CRYBG3: variants seen among roughly 807,000 people sequenced by gnomAD.
CRYBG3 encodes crystallin beta-gamma domain containing 3, also known as very large A-kinase anchor protein.
A neutral mutation model predicts 244.2 loss-of-function variants in CRYBG3; 127 were observed. That is an observed-to-expected ratio of 0.52 (90% confidence interval 0.45 to 0.60). CRYBG3 has a LOEUF of 0.60. Among genes scored for constraint, CRYBG3 ranks in the 20% least tolerant of loss-of-function variants. The pLI is 0.00. For synonymous variants in CRYBG3, 1,132 were observed against 1,195.8 expected (o/e 0.95, Z 1.10); for missense variants, 3,325 against 3,442.5 (o/e 0.97, Z 0.85).
chr3:97,848,299 TTTG>T (rs2038931713), intron 2 of CRYBG3, among the ~76,000 whole-genome samples: 2 of 152,090 alleles, frequency 1.3e-5, no homozygotes, highest in South Asian at 2.1e-4. Flanking sequence ...TCTTTGTTTG[TTTG>T]TTGTTGTTTT....
At position 97,944,850 on chromosome 3, in the gene CRYBG3, T is replaced by C. The variant is rs1433908580; in HGVS notation, c.*1536T>C. 1 of 172,486 alleles carries C rather than the reference T, an allele frequency of 5.8e-6. No individual in the cohort carries two copies. Among genetic ancestry groups the C allele is most frequent in the Non-Finnish European group, 1.2e-5 (1 of 81,708 alleles). The allele number at this position is 172,486 out of a possible 1,614,324, so 10.7% of individuals were successfully genotyped here. ...TTTTTCTAGAGCCAAAGAAGCTCTT[T>C]AAAGAAGTTGTTTCTTCCAAAGAAC... On this transcript the variant is annotated 3_prime_UTR_variant, in exon 22 of 22. Coordinates refer to ENST00000389622, the MANE Select transcript of CRYBG3 (RefSeq NM_153605.4).
intron 1 of CRYBG3, among the ~76,000 whole-genome samples, chr3:97,829,210 G>C (rs1400768489): frequency 1.3e-5 from 2 of 152,178 alleles, no homozygotes; most frequent in Non-Finnish European, 2.9e-5. Flanking sequence ...CTTATTCAAA[G>C]GGGAAAAGTT....
chr3:97,922,542 C>G (rs1044851325), intron 17 of CRYBG3, among the ~76,000 whole-genome samples: 11 of 152,288 alleles, frequency 7.2e-5, no homozygotes, highest in African/African-American at 2.6e-4. Context: ...TGAACAGACA[C>G]TTCTCAAAAG....
At chr3:97,937,345 C>T (rs1267690496) in intron 19 of CRYBG3, among the ~76,000 whole-genome samples, 1 of 152,080 alleles carries the variant, frequency 6.6e-6, no homozygotes, top group African/African-American at 2.4e-5. Flanking sequence ...AAGCTTCCCA[C>T]TGCACTTAGA....
chr3:97,889,808 A>T (rs1453666366), intron 10 of CRYBG3, among the ~76,000 whole-genome samples: 1 of 152,144 alleles, frequency 6.6e-6, no homozygotes, highest in African/African-American at 2.4e-5. Flanking sequence ...TATCAGGTAG[A>T]TGGCAGTTTG....
chr3:97,938,767 C>G (rs2040191334), intron 19 of CRYBG3, among the ~76,000 whole-genome samples: 1 of 151,950 alleles, frequency 6.6e-6, no homozygotes, highest in Non-Finnish European at 1.5e-5. Context: ...GCTCATATTA[C>G]TATGGTAATA....
rs2039312509 is a variant in CRYBG3, at chr3:97,872,147, C to T, written c.953C>T (p.Thr318Ile). The change falls in exon 4 of 22, where the codon ACA becomes ATA. Residue 318 changes from threonine (T) to isoleucine (I), a missense_variant. Physicochemically the swap from Thr to Ile is moderately conservative, Grantham distance 89. Coordinates refer to ENST00000389622, the MANE Select transcript of CRYBG3 (RefSeq NM_153605.4). ...KTSFNKENSL[T>I]NNPELQNIAS... ...AGTTTCAACAAGGAAAATTCTTTGA[C>T]AAATAACCCAGAACTGCAGAATATT... is the stretch of plus-strand genomic sequence containing the variant. 1 of 1,535,838 alleles carries T rather than the reference C, an allele frequency of 6.5e-7. No homozygotes were observed. Among genetic ancestry groups the T allele is most frequent in the African/African-American group, 1.4e-5 (1 of 73,026 alleles).
At position 97,875,236 on chromosome 3, in the gene CRYBG3, A is replaced by G; in HGVS notation, c.4042A>G (p.Ser1348Gly). Residue 1348 changes from serine to glycine, a missense_variant, in exon 4 of 22, where the codon AGT becomes GGT. Ser to Gly is a moderately conservative substitution (Grantham distance 56, BLOSUM62 0). Around this residue, in one of 4 missense-constraint regions of CRYBG3, gnomAD observed 635 missense variants for 771.7 expected, o/e 0.82. Coordinates refer to ENST00000389622, the MANE Select transcript of CRYBG3 (RefSeq NM_153605.4). ...TACTTCAAAAATTCTGAACAGTGAT[A>G]GTGTTAAGCCACATGATGTAGTTAG... ...ANTSKILNSD[S>G]VKPHDVVREF... 1 of 1,527,190 alleles carries G rather than the reference A, an allele frequency of 6.5e-7. No homozygotes were observed. Among genetic ancestry groups the G allele is most frequent in the Non-Finnish European group, 8.7e-7 (1 of 1,143,766 alleles). 94.6% of individuals were successfully genotyped at this position (1,527,190 alleles called of 1,614,324 possible). A position where few individuals can be genotyped will look rare whatever the true frequency, so the allele number is the denominator to read the frequency against.
chr3:97,916,259 A>G (rs1312638906), intron 17 of CRYBG3, among the ~76,000 whole-genome samples: 2 of 152,158 alleles, frequency 1.3e-5, no homozygotes, highest in African/African-American at 4.8e-5. Flanking sequence ...TTTGTCTGCT[A>G]CTAAGGTTAA....
intron 2 of CRYBG3, among the ~76,000 whole-genome samples, chr3:97,861,502 A>T (rs2039147541): frequency 6.6e-6 from 1 of 152,166 alleles, no homozygotes; most frequent in Admixed American, 6.6e-5. Context: ...AAGAGAGTAG[A>T]TAGAGAAATG....
At chr3:97,828,751 C>T (rs1447119070) in intron 1 of CRYBG3, among the ~76,000 whole-genome samples, 2 of 149,988 alleles carry the variant, frequency 1.3e-5, no homozygotes, top group Admixed American at 6.7e-5. Flanking sequence ...TCTCTTGAAC[C>T]TGGGAGGCAG....
chr3:97,919,308 A>T (rs1485849316), intron 17 of CRYBG3, among the ~76,000 whole-genome samples: 2 of 152,120 alleles, frequency 1.3e-5, no homozygotes, highest in East Asian at 3.9e-4. Flanking sequence ...AGGTAATTTA[A>T]TATAGGGAAA....
chr3:97,824,464 T>G (rs1458336265), intron 1 of CRYBG3, among the ~76,000 whole-genome samples: 1 of 152,186 alleles, frequency 6.6e-6, no homozygotes, highest in Non-Finnish European at 1.5e-5. Context: ...ATCCTGAAAC[T>G]GTTTTTTTGC....
At chr3:97,893,358 C>T (rs1397248481) in intron 11 of CRYBG3, among the ~76,000 whole-genome samples, 1 of 152,202 alleles carries the variant, frequency 6.6e-6, no homozygotes, top group Non-Finnish European at 1.5e-5. Flanking sequence ...TACCAAGGAC[C>T]TTGCCAGTGA....
At chr3:97,847,281 A>AAAC (rs927992130) in intron 2 of CRYBG3, among the ~76,000 whole-genome samples, 1 of 152,174 alleles carries the variant, frequency 6.6e-6, no homozygotes, top group African/African-American at 2.4e-5. Context: ...TTATAACTAA[A>AAAC]AACAACAACA....
chr3:97,852,546 A>C (rs575919356), intron 2 of CRYBG3, among the ~76,000 whole-genome samples: 3 of 152,264 alleles, frequency 2.0e-5, no homozygotes, highest in Admixed American at 6.5e-5. Flanking sequence ...GAGGTTAGTA[A>C]TGAGGACAGA....
chr3:97,832,463 T>A (rs149973234), intron 1 of CRYBG3, among the ~76,000 whole-genome samples: 161 of 152,150 alleles, frequency 1.1e-3, no homozygotes, highest in African/African-American at 3.6e-3. Flanking sequence ...AAACAAGCAA[T>A]GGGGAAAGGA....
At chr3:97,924,362 A>G in intron 17 of CRYBG3, 1 of 451,178 alleles carries the variant, frequency 2.2e-6, no homozygotes, top group South Asian at 1.6e-5. Context: ...ATGATACTGC[A>G]GTAGGATGGA....
chr3:97,891,361 A>G (rs2039573691), intron 10 of CRYBG3, among the ~76,000 whole-genome samples: 1 of 152,202 alleles, frequency 6.6e-6, no homozygotes, highest in Non-Finnish European at 1.5e-5. Context: ...GTAATATGAG[A>G]GAAACTTCTT....
Sources: allele counts gnomAD v4.1 joint callset (sites outside exome capture counted in the v4.1 genomes callset), GRCh38; gene constraint gnomAD v4.1.1; regional missense constraint gnomAD v4.1.1; transcripts MANE v1.5; gene names NCBI Gene and HGNC (gene_info 2026-07-23, HGNC 2026-07-21).